NDUFA9: variants seen among roughly 807,000 people sequenced by gnomAD.
NDUFA9 encodes the protein NADH dehydrogenase [ubiquinone] 1 alpha subcomplex subunit 9, mitochondrial.
Under a neutral mutation model 45.9 loss-of-function variants are expected in NDUFA9, and 23 were observed. That is an observed-to-expected ratio of 0.50 (90% CI 0.36 to 0.71). The LOEUF (loss-of-function observed/expected upper bound fraction) is 0.71. Among genes scored for constraint, NDUFA9 ranks in the 30% least tolerant of loss-of-function variants. The pLI, the probability that NDUFA9 is intolerant of heterozygous loss-of-function variation, is 0.00. For synonymous variants in NDUFA9, 176 were observed against 170.5 expected (o/e 1.03, Z -0.25); for missense variants, 466 against 488.2 (o/e 0.95, Z 0.43).
At chr12:4,682,595 T>C (rs71579256) in intron 9 of NDUFA9, among the ~76,000 whole-genome samples, 2,440 of 152,342 alleles carry the variant, frequency 0.016, 30 homozygotes, top group Non-Finnish European at 0.025. Context: ...TGGAGAAATA[T>C]CTTGCTAGGC....
intron 9 of NDUFA9, 35 bp from the exon 10 acceptor site, chr12:4,685,224 C>A: frequency 6.4e-7 from 1 of 1,560,988 alleles, no homozygotes; most frequent in Non-Finnish European, 8.8e-7. Flanking sequence ...CAGAGAGATG[C>A]TTATCACATG....
At chr12:4,658,492 T>G (rs1005852802) in intron 4 of NDUFA9, among the ~76,000 whole-genome samples, 1 of 152,218 alleles carries the variant, frequency 6.6e-6, no homozygotes, top group Non-Finnish European at 1.5e-5. Context: ...CCGAATGAAA[T>G]TGTTGACTGA....
chr12:4,692,926 CTGCTTGGCA>C lies in NDUFA9; in HGVS notation c.*5821_*5829del. 6.6e-6 allele frequency: 1 copy of C among 152,260 alleles called. No homozygotes were observed. The highest frequency in any genetic ancestry group is 1.5e-5 in the Non-Finnish European group (1 of 68,122). The allele number at this position is 152,260 out of a possible 1,614,324, so 9.4% of individuals were successfully genotyped here. ...GGCTGTACAAGCATGGCACTAACAT[CTGCTTGGCA>C]TGAGCCACCACACCCGGCCAGAATT... On this transcript the variant is annotated 3_prime_UTR_variant, in exon 11 of 11. Coordinates refer to ENST00000266544, the MANE Select transcript of NDUFA9 (RefSeq NM_005002.5).
Position 4,689,315 on chromosome 12 carries a change from T to C in NDUFA9, c.*2207T>C, listed in dbSNP as rs150822946. 8 of 152,936 alleles carry C rather than the reference T, an allele frequency of 5.2e-5. No individual in the cohort carries two copies. Among genetic ancestry groups the C allele is most frequent in the Admixed American group, 2.0e-4 (3 of 15,312 alleles). 9.5% of individuals were successfully genotyped at this position (152,936 alleles called of 1,614,324 possible). On this transcript the variant is annotated 3_prime_UTR_variant, in exon 11 of 11. Coordinates refer to ENST00000266544, the MANE Select transcript of NDUFA9 (RefSeq NM_005002.5). ...TTATTTTTTATTTTTTATTTTTTTA[T>C]TTTTATTGATCATTCTTGGGTGTTT...
intron 8 of NDUFA9, among the ~76,000 whole-genome samples, chr12:4,675,590 C>A (rs942661169): frequency 6.6e-6 from 1 of 152,096 alleles, no homozygotes; most frequent in African/African-American, 2.4e-5. Context: ...GACACATACC[C>A]CCTCCCAAGA....
At chr12:4,680,748 G>C (rs1945947613) in intron 8 of NDUFA9, among the ~76,000 whole-genome samples, 1 of 152,126 alleles carries the variant, frequency 6.6e-6, no homozygotes, top group Admixed American at 6.5e-5. Context: ...ATGTTTTTTA[G>C]TAAAGTATGT....
chr12:4,679,710 G>A (rs953170811), intron 8 of NDUFA9, among the ~76,000 whole-genome samples: 2 of 152,162 alleles, frequency 1.3e-5, no homozygotes, highest in Non-Finnish European at 2.9e-5. Context: ...GCAACAGTTA[G>A]GTAACTATTT....
chr12:4,682,888 G>A (rs140569551), intron 9 of NDUFA9, among the ~76,000 whole-genome samples: 7 of 152,300 alleles, frequency 4.6e-5, no homozygotes, highest in East Asian at 3.9e-4. Context: ...GCAATATAGC[G>A]AAGCCCCATC....
At chr12:4,680,911 G>A (rs903503994) in intron 8 of NDUFA9, among the ~76,000 whole-genome samples, 6 of 152,088 alleles carry the variant, frequency 3.9e-5, no homozygotes, top group South Asian at 2.1e-4. Flanking sequence ...GGTTAAAATC[G>A]TACAGAACTA....
At chr12:4,685,968 CT>C (rs1354105654) in intron 10 of NDUFA9, among the ~76,000 whole-genome samples, 1 of 152,190 alleles carries the variant, frequency 6.6e-6, no homozygotes, top group East Asian at 1.9e-4. Flanking sequence ...TGAATGCTGC[CT>C]GAAAGCTAAA....
rs369824174 is a variant in NDUFA9, at chr12:4,688,678, T to TA, written c.*1571dup. 57 of 152,060 alleles carry TA rather than the reference T, an allele frequency of 3.7e-4. No homozygotes were observed. The highest frequency in any genetic ancestry group is 1.3e-3 in the African/African-American group (55 of 41,436). 9.4% of individuals were successfully genotyped at this position (152,060 alleles called of 1,614,324 possible). On this transcript the variant is annotated 3_prime_UTR_variant, in exon 11 of 11. Transcript: ENST00000266544. ...CAGGTTGCTGACCCCACCCCAGACC[T>TA]ACTGAATCAGAGTCTCAGGAAGGAG...
At chr12:4,678,753 A>T (rs1048622261) in intron 8 of NDUFA9, among the ~76,000 whole-genome samples, 1 of 152,208 alleles carries the variant, frequency 6.6e-6, no homozygotes, top group Non-Finnish European at 1.5e-5. Flanking sequence ...ATGAGATACC[A>T]GTTCACAGAG....
rs1374506289 is a variant in NDUFA9 at position 4,691,871 on chromosome 12, T to A, written c.*4763T>A. On this transcript the variant is annotated 3_prime_UTR_variant, in exon 11 of 11. Coordinates refer to ENST00000266544, the MANE Select transcript of NDUFA9 (RefSeq NM_005002.5). ...TGATTGGCTTTATCCAAAGGAAGAG[T>A]AAACATCTCATCCTTATGACAGGAA... The A allele has an allele frequency of 6.7e-6, 1 of 149,898 alleles. No individual in the cohort carries two copies. The highest frequency in any genetic ancestry group is 2.5e-5 in the African/African-American group (1 of 40,464). The allele number at this position is 149,898 out of a possible 1,614,324, so 9.3% of individuals were successfully genotyped here. A position where few individuals can be genotyped will look rare whatever the true frequency, so the allele number is the denominator to read the frequency against.
chr12:4,662,023 T>A (rs758780827), intron 5 of NDUFA9, among the ~76,000 whole-genome samples: 10 of 152,174 alleles, frequency 6.6e-5, no homozygotes, highest in South Asian at 2.1e-4. Context: ...GATATCTTCA[T>A]CGAACAAGAA....
At chr12:4,658,969 A>G in intron 4 of NDUFA9, 67 bp from the exon 5 acceptor site, 2 of 1,448,504 alleles carry the variant, frequency 1.4e-6, no homozygotes, top group South Asian at 1.2e-5. Flanking sequence ...AAACCATCTT[A>G]TCACGTAAAG....
intron 8 of NDUFA9, among the ~76,000 whole-genome samples, chr12:4,674,217 C>T (rs1365415551): frequency 6.6e-6 from 1 of 152,186 alleles, no homozygotes; most frequent in African/African-American, 2.4e-5. Flanking sequence ...CAAAAACATA[C>T]CAAATTCTTA....
rs1459344895 is a variant in NDUFA9, at chr12:4,682,739, C to T, written c.896+439C>T. Among the ~76,000 whole-genome samples the T allele has an allele frequency of 3.3e-5, 5 of 152,296 alleles. No individual in the cohort carries two copies. In the South Asian group the frequency reaches 8.3e-4, roughly 25 times the overall value. ...GTGGTTGCCTTCTCTTCTTTCCCTG[C>T]TTCTTAGTTTACTTCTTCTCTTTGT... On this transcript the variant is annotated intron_variant, in intron 9 of 10. Coordinates refer to ENST00000266544, the MANE Select transcript of NDUFA9 (RefSeq NM_005002.5).
chr12:4,659,765 G>T (rs569402482), intron 5 of NDUFA9, among the ~76,000 whole-genome samples: 98 of 152,272 alleles, frequency 6.4e-4, no homozygotes, highest in Non-Finnish European at 1.2e-3. Flanking sequence ...TCAGTGTCTG[G>T]CCGTGCGCTT....
chr12:4,669,813 G>T lies in NDUFA9; in HGVS notation c.796G>T (p.Val266Phe). Residue 266 changes from valine to phenylalanine, a missense_variant, in exon 8 of 11, where the codon GTT becomes TTT. Val to Phe is a conservative substitution (Grantham distance 50, BLOSUM62 -1). Transcript: ENST00000266544. ...PDANGKSFAF[V>F]GPSRYLLFHL... The stretch of plus-strand genomic sequence containing the variant: ...TGCCAATGGGAAATCCTTTGCTTTC[G>T]TTGGGTAAGTGCTTAGAGTTTGAAT... The T allele has an allele frequency of 6.2e-7, 1 of 1,608,478 alleles. No homozygotes were observed. The highest frequency in any genetic ancestry group is 1.7e-5 in the Admixed American group (1 of 60,012).
Sources: allele counts gnomAD v4.1 joint callset (sites outside exome capture counted in the v4.1 genomes callset), GRCh38; gene constraint gnomAD v4.1.1; transcripts MANE v1.5; gene names NCBI Gene and HGNC (gene_info 2026-07-23, HGNC 2026-07-21).